Variants in SFMBT2 observed in about 807,000 individuals in gnomAD.
SFMBT2 encodes the protein Scm like with four mbt domains 2.
A neutral mutation model predicts 110.1 loss-of-function variants in SFMBT2; 38 were observed. The ratio of observed to expected loss-of-function variants is 0.35; its 90% CI spans 0.27 to 0.45. The LOEUF (loss-of-function observed/expected upper bound fraction) is 0.45, where lower values mean the gene tolerates loss of function less well. SFMBT2 is among the 20% of genes least tolerant of loss of function. SFMBT2 has a pLI of 1.00. For synonymous variants in SFMBT2, 425 were observed against 425.4 expected (o/e 1.00, Z 0.01); for missense variants, 1,011 against 1,094.9 (o/e 0.92, Z 1.08).
intron 9 of SFMBT2, among the ~76,000 whole-genome samples, chr10:7,232,910 T>A (rs761768582): frequency 9.9e-5 from 15 of 152,142 alleles, no homozygotes; most frequent in Admixed American, 1.3e-4. Flanking sequence ...GCTTTGCCAG[T>A]AGAATCCTGA....
At position 7,288,051 on chromosome 10, in the gene SFMBT2, A is replaced by G. The variant is rs143697411; in HGVS notation, c.437-2097T>C. Among the ~76,000 whole-genome samples the G allele has an allele frequency of 8.5e-5, 13 of 152,364 alleles. No individual in the cohort carries two copies. In the East Asian group the frequency reaches 1.3e-3, roughly 16 times the overall value. On this transcript the variant is annotated intron_variant, in intron 4 of 20. Transcript: ENST00000397167. ...TATTATAAACATACTAAATTATTACATATATCTTTTTAATCTGCTGGTTAT... is the reference window on the plus strand; with the variant it reads ...TATTATAAACATACTAAATTATTACGTATATCTTTTTAATCTGCTGGTTAT...
intron 4 of SFMBT2, among the ~76,000 whole-genome samples, chr10:7,313,721 T>G (rs887061119): frequency 2.0e-5 from 3 of 152,130 alleles, no homozygotes; most frequent in South Asian, 4.1e-4. Flanking sequence ...TTGGCTTGAG[T>G]GATCCTCTCG....
chr10:7,192,542 C>A (rs1838632142), intron 15 of SFMBT2, among the ~76,000 whole-genome samples: 1 of 152,130 alleles, frequency 6.6e-6, no homozygotes. Flanking sequence ...GCTCAGAGCT[C>A]CACAATGAAG....
intron 15 of SFMBT2, among the ~76,000 whole-genome samples, chr10:7,192,127 C>G (rs1001844655): frequency 6.6e-6 from 1 of 152,178 alleles, no homozygotes; most frequent in Non-Finnish European, 1.5e-5. Context: ...AGTTCACACC[C>G]ACCCGTAAGC....
intron 20 of SFMBT2, among the ~76,000 whole-genome samples, chr10:7,167,331 T>C (rs187971491): frequency 6.6e-6 from 1 of 152,368 alleles, no homozygotes; most frequent in East Asian, 1.9e-4. Flanking sequence ...TACTGTGTAA[T>C]GTACAGGTTT....
intron 4 of SFMBT2, among the ~76,000 whole-genome samples, chr10:7,317,933 G>A (rs1843065534): frequency 6.6e-6 from 1 of 152,194 alleles, no homozygotes; most frequent in Non-Finnish European, 1.5e-5. Flanking sequence ...GCAAGTCATA[G>A]AACACCACAA....
intron 16 of SFMBT2, among the ~76,000 whole-genome samples, chr10:7,178,556 G>A (rs151098104): frequency 4.6e-4 from 70 of 151,856 alleles, no homozygotes; most frequent in African/African-American, 1.6e-3. Context: ...TAAGCTCCTC[G>A]CATCCCTCCC....
chr10:7,314,885 G>A (rs1015100289), intron 4 of SFMBT2, among the ~76,000 whole-genome samples: 2 of 151,000 alleles, frequency 1.3e-5, no homozygotes, highest in Non-Finnish European at 2.9e-5. Flanking sequence ...TTCAGCCTGG[G>A]CAACAGAGTG....
chr10:7,224,056 C>T (rs908694719), intron 10 of SFMBT2, among the ~76,000 whole-genome samples: 9 of 152,122 alleles, frequency 5.9e-5, no homozygotes, highest in South Asian at 4.2e-4. Flanking sequence ...GATAATGAGG[C>T]GATTTTCCCA....
intron 9 of SFMBT2, among the ~76,000 whole-genome samples, chr10:7,229,594 C>CA (rs527488752): frequency 0.53 from 61,559 of 116,050 alleles, 15,147 homozygotes; most frequent in East Asian, 0.86. Context: ...GACTCCATCT[C>CA]AAAAAAAAAA....
chr10:7,363,153 T>C (rs1050996966), intron 4 of SFMBT2, among the ~76,000 whole-genome samples: 1 of 152,134 alleles, frequency 6.6e-6, no homozygotes, highest in Non-Finnish European at 1.5e-5. Context: ...AACAGAATCA[T>C]GGGGCGGGTT....
At chr10:7,259,515 G>A (rs1046336960) in intron 7 of SFMBT2, among the ~76,000 whole-genome samples, 1 of 152,198 alleles carries the variant, frequency 6.6e-6, no homozygotes, top group Non-Finnish European at 1.5e-5. Context: ...GCATCTCTGG[G>A]GTCTATCCAC....
intron 4 of SFMBT2, chr10:7,295,261 C>A (rs1842374001): frequency 1.3e-5 from 2 of 152,238 alleles, no homozygotes; most frequent in Admixed American, 1.3e-4. Flanking sequence ...ACGACGAACG[C>A]TCCAACATGT....
In SFMBT2 at chr10:7,205,801, T is replaced by A; in HGVS notation, c.1444+14A>T. On this transcript the variant is annotated intron_variant, in intron 12 of 20. Transcript: ENST00000397167. ...CTGGTGTCATCCACCCCCCCTCAAC[T>A]GGGAACCACTTACAGACTGTTTTGT... 2.5e-6 allele frequency: 4 copies of A among 1,611,812 alleles called. No individual in the cohort carries two copies. Among genetic ancestry groups the A allele is most frequent in the Non-Finnish European group, 3.4e-6 (4 of 1,178,418 alleles).
At chr10:7,199,430 T>C (rs1838881799) in intron 14 of SFMBT2, among the ~76,000 whole-genome samples, 1 of 152,188 alleles carries the variant, frequency 6.6e-6, no homozygotes. Context: ...GGGATGGTAA[T>C]TTAACAGTCT....
chr10:7,170,885 A>T lies in SFMBT2; in HGVS notation c.2544+43T>A, dbSNP rs905345550. 6.2e-7 allele frequency: 1 copy of T among 1,612,948 alleles called. No individual in the cohort carries two copies. Among genetic ancestry groups the T allele is most frequent in the Non-Finnish European group, 8.5e-7 (1 of 1,179,226 alleles). On this transcript the variant is annotated intron_variant, in intron 20 of 20. Coordinates refer to ENST00000397167, the MANE Select transcript of SFMBT2 (RefSeq NM_001387889.1). The surrounding 1 kb of genome is among the most constrained non-coding windows in gnomAD (Gnocchi z 4.6). ...GACACGAGGTTCATTTCAGATGCAG[A>T]GTCTCAGCACATCAAACAATCGACA...
intron 9 of SFMBT2, among the ~76,000 whole-genome samples, chr10:7,241,721 C>T (rs1317427780): frequency 6.6e-6 from 1 of 152,132 alleles, no homozygotes; most frequent in Non-Finnish European, 1.5e-5. Context: ...TCCAAATAGG[C>T]ACATCCATTT....
At position 7,408,015 on chromosome 10, in the gene SFMBT2, C is replaced by A. The variant is rs1370963310; in HGVS notation, c.-52+2846G>T. Among the ~76,000 whole-genome samples the A allele has an allele frequency of 6.6e-6, 1 of 152,268 alleles. No individual in the cohort carries two copies. The highest frequency in any genetic ancestry group is 1.5e-5 in the Non-Finnish European group (1 of 68,052). The stretch of plus-strand genomic sequence containing the variant: ...GGAAAAACTTGGGCCCTTCGAGAAC[C>A]CTGTGGAATGTTCTTTGTAATCAAC... On this transcript the variant is annotated intron_variant, in intron 1 of 20. Coordinates refer to ENST00000397167, the MANE Select transcript of SFMBT2 (RefSeq NM_001387889.1). This position sits in a 1 kb window ranked among gnomAD's most constrained non-coding sequence, Gnocchi z 5.7.
intron 4 of SFMBT2, among the ~76,000 whole-genome samples, chr10:7,348,818 TCTTTGGCA>T (rs1198988851): frequency 6.6e-6 from 1 of 152,176 alleles, no homozygotes; most frequent in Non-Finnish European, 1.5e-5. Context: ...GGATATAAGC[TCTTTGGCA>T]CATTTCAGTT....
Sources: allele counts gnomAD v4.1 joint callset (sites outside exome capture counted in the v4.1 genomes callset), GRCh38; gene constraint gnomAD v4.1.1; non-coding constraint Gnocchi (gnomAD v3.1); transcripts MANE v1.5; gene names NCBI Gene and HGNC (gene_info 2026-07-23, HGNC 2026-07-21).